Variants in KCNAB1 observed in about 807,000 individuals in gnomAD.
KCNAB1 encodes voltage-gated potassium channel subunit beta-1.
KCNAB1 carries 35 observed loss-of-function variants against 64.6 expected under a neutral mutation model. The observed-to-expected ratio is 0.54, with a 90% CI of 0.41 to 0.72. The LOEUF (loss-of-function observed/expected upper bound fraction) is 0.72. Ranked by LOEUF, KCNAB1 falls within the 30% of genes least tolerant of loss-of-function variation. The pLI is 0.00. For missense variants in KCNAB1, 401 were observed against 512.9 expected (o/e 0.78, Z 2.11); for synonymous variants, 177 against 183.8 (o/e 0.96, Z 0.30).
intron 1 of KCNAB1, among the ~76,000 whole-genome samples, chr3:156,397,829 G>C (rs1713576392): frequency 6.6e-6 from 1 of 151,910 alleles, no homozygotes; most frequent in South Asian, 2.1e-4. Context: ...GTGTATATCT[G>C]GGGAAAAACA....
Position 156,152,032 on chromosome 3 carries a change from C to A in KCNAB1, c.275+31146C>A, listed in dbSNP as rs184826110. ...GCTGTGGTGCCACACAATTGTTATGCCTGCAGGAAGGTCTCCTGGATATTG... is the reference window on the plus strand; with the variant it reads ...GCTGTGGTGCCACACAATTGTTATGACTGCAGGAAGGTCTCCTGGATATTG... On this transcript the variant is annotated intron_variant, in intron 1 of 13. Transcript: ENST00000490337. Among the ~76,000 whole-genome samples the A allele has an allele frequency of 2.1e-3, 321 of 152,292 alleles. 1 individual carries two copies. The highest frequency in any genetic ancestry group is 7.1e-3 in the African/African-American group (294 of 41,556).
intron 1 of KCNAB1, among the ~76,000 whole-genome samples, chr3:156,257,147 TC>T (rs943914405): frequency 1.3e-5 from 2 of 152,204 alleles, no homozygotes; most frequent in African/African-American, 4.8e-5. Flanking sequence ...GAGTGTACCA[TC>T]ATTTTCCTGC....
intron 1 of KCNAB1, among the ~76,000 whole-genome samples, chr3:156,301,904 C>T (rs1466041092): frequency 6.6e-6 from 1 of 152,152 alleles, no homozygotes; most frequent in Non-Finnish European, 1.5e-5. Context: ...AGAAGCAAAG[C>T]TGTAAATTTC....
intron 1 of KCNAB1, among the ~76,000 whole-genome samples, chr3:156,160,325 GA>G (rs1716000496): frequency 6.6e-6 from 1 of 152,182 alleles, no homozygotes; most frequent in African/African-American, 2.4e-5. Context: ...ATCAGAAGTA[GA>G]AATAACAATA....
chr3:156,225,242 C>G (rs1716075999), intron 1 of KCNAB1, among the ~76,000 whole-genome samples: 1 of 152,136 alleles, frequency 6.6e-6, no homozygotes, highest in African/African-American at 2.4e-5. Flanking sequence ...GGTTTCAAAC[C>G]AGGGATGCAG....
intron 1 of KCNAB1, among the ~76,000 whole-genome samples, chr3:156,251,555 C>T (rs1717829604): frequency 6.6e-6 from 1 of 152,012 alleles, no homozygotes; most frequent in Non-Finnish European, 1.5e-5. Context: ...TGTCAGGGCT[C>T]CCAGGACAGC....
intron 8 of KCNAB1, among the ~76,000 whole-genome samples, 159 bp downstream of exon 8, chr3:156,474,979 C>T (rs895828956): frequency 1.3e-5 from 2 of 152,132 alleles, no homozygotes; most frequent in African/African-American, 4.8e-5. Flanking sequence ...GCGTTTAACC[C>T]CAAAACCAAT....
At chr3:156,256,663 T>C (rs1277683696) in intron 1 of KCNAB1, among the ~76,000 whole-genome samples, 1 of 151,972 alleles carries the variant, frequency 6.6e-6, no homozygotes, top group African/African-American at 2.4e-5. Context: ...TTTTGCCCAC[T>C]TGAGAGAAAA....
chr3:156,120,025 G>C (rs1258431646), upstream of KCNAB1, among the ~76,000 whole-genome samples: 3 of 152,164 alleles, frequency 2.0e-5, no homozygotes, highest in Non-Finnish European at 4.4e-5. Flanking sequence ...GAATGAAAGA[G>C]TGCCTGACAT....
chr3:156,405,117 G>A (rs1181682720), intron 1 of KCNAB1, among the ~76,000 whole-genome samples: 2 of 152,190 alleles, frequency 1.3e-5, no homozygotes, highest in Admixed American at 6.5e-5. Flanking sequence ...CCCTGCTGAG[G>A]TTAGAAGCTC....
chr3:156,296,861 A>C (rs1052888873), intron 1 of KCNAB1, among the ~76,000 whole-genome samples: 2 of 152,224 alleles, frequency 1.3e-5, no homozygotes, highest in Non-Finnish European at 2.9e-5. Context: ...GAAAAGAAGT[A>C]CAGGGAATTT....
At chr3:156,186,440 C>A (rs1266413380) in intron 1 of KCNAB1, among the ~76,000 whole-genome samples, 1 of 152,144 alleles carries the variant, frequency 6.6e-6, no homozygotes, top group Non-Finnish European at 1.5e-5. Context: ...TGCTGTGGAC[C>A]ACATCTCTCC....
intron 1 of KCNAB1, among the ~76,000 whole-genome samples, chr3:156,381,542 G>A (rs1560228627): frequency 6.6e-6 from 1 of 152,352 alleles, no homozygotes; most frequent in East Asian, 1.9e-4. Context: ...AACACAGTCA[G>A]CAAGAGCCTT....
intron 1 of KCNAB1, among the ~76,000 whole-genome samples, chr3:156,202,151 CA>C (rs1255172440): frequency 1.3e-5 from 2 of 152,300 alleles, no homozygotes; most frequent in East Asian, 3.9e-4. Flanking sequence ...GCTTCCACAC[CA>C]AACCCTCTAG....
intron 1 of KCNAB1, among the ~76,000 whole-genome samples, chr3:156,329,457 G>A (rs1723189582): frequency 6.6e-6 from 1 of 152,098 alleles, no homozygotes; most frequent in Non-Finnish European, 1.5e-5. Flanking sequence ...AGAGTAGAGG[G>A]ATCCCCGGGA....
At chr3:156,333,569 GCA>G (rs140343721) in intron 1 of KCNAB1, among the ~76,000 whole-genome samples, 1 of 150,854 alleles carries the variant, frequency 6.6e-6, no homozygotes, top group Non-Finnish European at 1.5e-5. Flanking sequence ...GTTCTTTTCT[GCA>G]CACACACACA....
At chr3:156,149,844 C>T (rs1445428939) in intron 1 of KCNAB1, among the ~76,000 whole-genome samples, 2 of 152,126 alleles carry the variant, frequency 1.3e-5, no homozygotes, top group African/African-American at 4.8e-5. Flanking sequence ...CCCTCCAAAC[C>T]CCACCAAAAA....
chr3:156,236,773 T>A (rs1254496267), intron 1 of KCNAB1, among the ~76,000 whole-genome samples: 1 of 152,096 alleles, frequency 6.6e-6, no homozygotes, highest in Non-Finnish European at 1.5e-5. Context: ...CACCATGGTG[T>A]CTGGTTGCTG....
chr3:156,297,490 A>T (rs1428877903), intron 1 of KCNAB1, among the ~76,000 whole-genome samples: 1 of 152,130 alleles, frequency 6.6e-6, no homozygotes, highest in Non-Finnish European at 1.5e-5. Context: ...AGAAAAAAAA[A>T]AATTAAGAGT....
Sources: allele counts gnomAD v4.1 joint callset (sites outside exome capture counted in the v4.1 genomes callset), GRCh38; gene constraint gnomAD v4.1.1; transcripts MANE v1.5; gene names NCBI Gene and HGNC (gene_info 2026-07-23, HGNC 2026-07-21).